The following TAOK3 variants were observed in gnomAD, a reference collection of about 807,000 sequenced individuals.
TAOK3 encodes TAO kinase 3, also known as serine/threonine-protein kinase TAO3.
A neutral mutation model predicts 120.4 loss-of-function variants in TAOK3; 40 were observed. The observed-to-expected ratio is 0.33, with a 90% CI of 0.26 to 0.43. The LOEUF is 0.43. Ranked by LOEUF, TAOK3 falls within the 20% of genes least tolerant of loss-of-function variation. The probability of loss-of-function intolerance (pLI) is 1.00; values close to 1 mark genes in which losing one functional copy is unlikely to be tolerated. For missense variants in TAOK3, 821 were observed against 1,112.1 expected, an observed-to-expected ratio of 0.74 and a Z score of 3.72; for synonymous variants, 355 against 387.5, an observed-to-expected ratio of 0.92 and a Z score of 0.99.
intron 1 of TAOK3, among the ~76,000 whole-genome samples, chr12:118,299,219 T>C (rs2042786305): frequency 6.6e-6 from 1 of 152,196 alleles, no homozygotes; most frequent in Non-Finnish European, 1.5e-5. Flanking sequence ...CACAAAATAT[T>C]AAAATCTTCC....
intron 1 of TAOK3, among the ~76,000 whole-genome samples, chr12:118,347,716 A>G (rs2044930211): frequency 6.6e-6 from 1 of 152,000 alleles, no homozygotes; most frequent in African/African-American, 2.4e-5. Flanking sequence ...TCTACCCTGC[A>G]CTTTCTCTCA....
intron 1 of TAOK3, among the ~76,000 whole-genome samples, chr12:118,363,003 A>C (rs2045643003): frequency 7.2e-6 from 1 of 139,084 alleles, no homozygotes; most frequent in South Asian, 2.5e-4. Context: ...TGGGCAACAG[A>C]GAAAGACTCC....
intron 5 of TAOK3, among the ~76,000 whole-genome samples, chr12:118,242,824 C>A (rs1322550910): frequency 6.6e-6 from 1 of 152,044 alleles, no homozygotes; most frequent in African/African-American, 2.4e-5. Flanking sequence ...CGCACCACTG[C>A]ACTCCAGCCT....
rs141140125 is a variant in TAOK3, at chr12:118,165,752, A to G, written c.1900-3725T>C. On this transcript the variant is annotated intron_variant, in intron 17 of 20. Transcript: ENST00000392533. ...TAAAGATAAAATGAAAGACCATAAGAAAGTGCTTCAGAATACATAAATGTC... is the reference window on the plus strand; with the variant it reads ...TAAAGATAAAATGAAAGACCATAAGGAAGTGCTTCAGAATACATAAATGTC... Among the ~76,000 whole-genome samples the G allele has an allele frequency of 1.3e-4, 20 of 152,362 alleles. No individual in the cohort carries two copies. In the East Asian group the frequency reaches 3.5e-3, roughly 26 times the overall value.
chr12:118,287,425 G>A (rs142642292), intron 1 of TAOK3, among the ~76,000 whole-genome samples: 1 of 152,136 alleles, frequency 6.6e-6, no homozygotes, highest in Non-Finnish European at 1.5e-5. Flanking sequence ...GCTAATTTTT[G>A]TATTTTTAGT....
chr12:118,335,797 C>A (rs1182361135), intron 1 of TAOK3, among the ~76,000 whole-genome samples: 1 of 152,108 alleles, frequency 6.6e-6, no homozygotes, highest in African/African-American at 2.4e-5. Flanking sequence ...CCACTGCACT[C>A]CAGTCTGGGC....
In TAOK3 at chr12:118,320,460, A is replaced by C. The variant is rs536716066; in HGVS notation, c.-194+52188T>G. ...AAAAGTATATAATAAGATACTGAAC[A>C]ATAATATACTTGATTATCAACACAT... On this transcript the variant is annotated intron_variant, in intron 1 of 20. Coordinates refer to ENST00000392533, the MANE Select transcript of TAOK3 (RefSeq NM_016281.4). Among the ~76,000 whole-genome samples the C allele has an allele frequency of 3.0e-4, 45 of 152,260 alleles. 1 individual carries two copies. The South Asian group carries it at 7.3e-3, about 25-fold the overall frequency.
chr12:118,214,035 G>C lies in TAOK3; in HGVS notation c.719C>G (p.Thr240Arg). ...GTCTTACCATTCATTAGACTGTAAC[G>C]TTGGGGAGTCATTCTGGGCAATGTG... is the stretch of plus-strand genomic sequence containing the variant. Reference protein sequence around the residue: ...LYHIAQNDSPTLQSNEWTDSF... With the variant: ...LYHIAQNDSPRLQSNEWTDSF... The change falls in exon 10 of 21, where the codon ACG becomes AGG. Residue 240 changes from threonine (T) to arginine (R), a missense_variant. Thr to Arg is a moderately conservative substitution (Grantham distance 71). Coordinates refer to ENST00000392533, the MANE Select transcript of TAOK3 (RefSeq NM_016281.4). 1.2e-6 allele frequency: 2 copies of C among 1,611,364 alleles called. No individual in the cohort carries two copies. The highest frequency in any genetic ancestry group is 1.7e-6 in the Non-Finnish European group (2 of 1,178,854).
intron 3 of TAOK3, among the ~76,000 whole-genome samples, chr12:118,253,503 C>T (rs141813879): frequency 1.3e-5 from 2 of 151,388 alleles, no homozygotes; most frequent in South Asian, 2.1e-4. Flanking sequence ...TTGGGGAGGC[C>T]GAGACGGGTA....
chr12:118,355,877 A>G (rs910477543), intron 1 of TAOK3, among the ~76,000 whole-genome samples: 9 of 152,230 alleles, frequency 5.9e-5, no homozygotes, highest in African/African-American at 2.2e-4. Context: ...ATTTTACAGA[A>G]GAAGAAACTG....
At chr12:118,246,153 G>A (rs1330387979) in intron 3 of TAOK3, 5 of 1,433,698 alleles carry the variant, frequency 3.5e-6, no homozygotes, top group Non-Finnish European at 4.7e-6. Flanking sequence ...GAACCGCGGT[G>A]GCTTCCGCGG....
At chr12:118,316,767 A>T (rs758788541) in intron 1 of TAOK3, among the ~76,000 whole-genome samples, 1 of 152,112 alleles carries the variant, frequency 6.6e-6, no homozygotes, top group African/African-American at 2.4e-5. Context: ...TCTACAAACT[A>T]CTAGAGCTAT....
intron 1 of TAOK3, among the ~76,000 whole-genome samples, chr12:118,364,194 GGTC>G (rs1232552170): frequency 6.6e-6 from 1 of 152,094 alleles, no homozygotes; most frequent in Non-Finnish European, 1.5e-5. Context: ...GAGTTTGGTA[GGTC>G]ATGGGGAATT....
rs1276991598 is a variant in TAOK3, at chr12:118,150,385, C to T, written c.*612G>A. On this transcript the variant is annotated 3_prime_UTR_variant, in exon 21 of 21. Transcript: ENST00000392533. ...AGATCTCTTCACCCCACCCACCCCC[C>T]GTCCCCAAAAAAGTAATAATATGTC... The T allele has an allele frequency of 4.0e-5, 6 of 150,834 alleles. No individual in the cohort carries two copies. Among genetic ancestry groups the T allele is most frequent in the Admixed American group, 6.7e-5 (1 of 14,914 alleles). 9.3% of individuals were successfully genotyped at this position (150,834 alleles called of 1,614,324 possible). A position where few individuals can be genotyped will look rare whatever the true frequency, so the allele number is the denominator to read the frequency against.
At chr12:118,368,952 A>G (rs541049091) in intron 1 of TAOK3, among the ~76,000 whole-genome samples, 1 of 148,852 alleles carries the variant, frequency 6.7e-6, no homozygotes, top group African/African-American at 2.5e-5. Flanking sequence ...TGAGCTCAGG[A>G]GATTGAGACC....
chr12:118,338,021 C>G (rs1241431112), intron 1 of TAOK3, among the ~76,000 whole-genome samples: 1 of 152,206 alleles, frequency 6.6e-6, no homozygotes, highest in African/African-American at 2.4e-5. Context: ...CACCCGACCT[C>G]TCAGTATTAT....
Position 118,160,501 on chromosome 12 carries a change from A to T in TAOK3, c.2140-143T>A. ...CATTGCTAATCAATAAAAATCAAGC[A>T]GTATGTATGACACAGACAAAAGTTA... On this transcript the variant is annotated intron_variant, in intron 18 of 20. Coordinates refer to ENST00000392533, the MANE Select transcript of TAOK3 (RefSeq NM_016281.4). This position sits in a 1 kb window ranked among gnomAD's most constrained non-coding sequence, Gnocchi z 4.2. The T allele has an allele frequency of 1.5e-6, 1 of 678,914 alleles. No homozygotes were observed. Among genetic ancestry groups the T allele is most frequent in the Non-Finnish European group, 2.5e-6 (1 of 401,174 alleles). The allele number at this position is 678,914 out of a possible 1,614,324, so 42.1% of individuals were successfully genotyped here. A position where few individuals can be genotyped will look rare whatever the true frequency, so the allele number is the denominator to read the frequency against.
At chr12:118,253,006 G>A (rs182321302) in intron 3 of TAOK3, among the ~76,000 whole-genome samples, 7 of 152,180 alleles carry the variant, frequency 4.6e-5, no homozygotes, top group East Asian at 1.9e-4. Flanking sequence ...GATTACAGGC[G>A]TGAGCCACTG....
intron 16 of TAOK3, among the ~76,000 whole-genome samples, chr12:118,173,526 A>G (rs2036135767): frequency 6.6e-6 from 1 of 152,222 alleles, no homozygotes; most frequent in South Asian, 2.1e-4. Context: ...AGCTTGGACA[A>G]AGGAAGTAGT....
Sources: allele counts gnomAD v4.1 joint callset (sites outside exome capture counted in the v4.1 genomes callset), GRCh38; gene constraint gnomAD v4.1.1; non-coding constraint Gnocchi (gnomAD v3.1); transcripts MANE v1.5; gene names NCBI Gene and HGNC (gene_info 2026-07-23, HGNC 2026-07-21).